Variants in IZUMO2 observed in about 807,000 individuals in gnomAD.
IZUMO2 encodes izumo sperm-egg fusion protein 2.
IZUMO2 carries 24 observed loss-of-function variants against 31.2 expected under a neutral mutation model. The observed-to-expected ratio is 0.77, with a 90% confidence interval of 0.56 to 1.08. The LOEUF (loss-of-function observed/expected upper bound fraction) is 1.08. IZUMO2 is among the 50% of genes least tolerant of loss of function. IZUMO2 has a pLI of 0.00. For missense variants in IZUMO2, 278 were observed against 274.0 expected (o/e 1.01, Z -0.10); for synonymous variants, 144 against 117.3 (o/e 1.23, Z -1.47).
rs557846231 is a variant in IZUMO2, at chr19:50,155,346, C to T, written c.497-620G>A. ...ACAGGAGGTTGAGGCTGCCGTGAGC[C>T]GTGACTGTGCCACTGCACCCCAGCC... On this transcript the variant is annotated intron_variant, in intron 5 of 6. Coordinates refer to ENST00000293405, the MANE Select transcript of IZUMO2 (RefSeq NM_152358.3). Among the ~76,000 whole-genome samples the T allele has an allele frequency of 6.6e-5, 10 of 152,222 alleles. No homozygotes were observed. The South Asian group carries it at 1.9e-3, about 28-fold the overall frequency.
intron 6 of IZUMO2, among the ~76,000 whole-genome samples, chr19:50,154,263 C>CATTTTTTT (rs1568436680): frequency 9.8e-5 from 4 of 40,628 alleles, no homozygotes; most frequent in Non-Finnish European, 1.2e-4. Context: ...TAACTTTTAG[C>CATTTTTTT]GTTTTTTTTT....
At chr19:50,156,608 A>T (rs949942678) in intron 5 of IZUMO2, among the ~76,000 whole-genome samples, 2 of 151,970 alleles carry the variant, frequency 1.3e-5, no homozygotes, top group Non-Finnish European at 2.9e-5. Flanking sequence ...GAGGGAAAAA[A>T]AAAAACCCAA....
rs1407927348 is a variant in IZUMO2 at position 50,154,679 on chromosome 19, A to G, written c.544T>C (p.Tyr182His). 1.2e-6 allele frequency: 2 copies of G among 1,613,746 alleles called. 1 individual carries two copies. Among genetic ancestry groups the G allele is most frequent in the Non-Finnish European group, 1.7e-6 (2 of 1,179,944 alleles). The change falls in exon 6 of 7, where the codon TAC (tyrosine) becomes CAC (histidine). Residue 182 changes from tyrosine to histidine, a missense_variant. By Grantham distance (83) the Tyr-to-His change is moderately conservative. Coordinates refer to ENST00000293405, the MANE Select transcript of IZUMO2 (RefSeq NM_152358.3). Reference protein sequence around the residue: ...VALQYQMDSKYPRNQALLGIL... With the variant: ...VALQYQMDSKHPRNQALLGIL... ...CCCAACAGCGCCTGGTTCCTCGGGT[A>G]TTTGCTGTCCATCTGGTACTGCAGG...
intron 5 of IZUMO2, among the ~76,000 whole-genome samples, chr19:50,157,493 G>A (rs1467865264): frequency 4.0e-5 from 6 of 150,964 alleles, no homozygotes; most frequent in South Asian, 4.2e-4. Flanking sequence ...TAGTAGAGAC[G>A]GGGTTTCACT....
intron 5 of IZUMO2, 117 bp downstream of exon 5, chr19:50,158,151 G>T: frequency 1.7e-6 from 1 of 578,488 alleles, no homozygotes; most frequent in African/African-American, 1.9e-5. Flanking sequence ...TAAGCAAATG[G>T]TTAGGGCAGG....
intron 6 of IZUMO2, 124 bp from the exon 7 acceptor site, chr19:50,152,775 G>A (rs1323973699): frequency 1.2e-6 from 1 of 810,204 alleles, no homozygotes; most frequent in African/African-American, 1.7e-5. Context: ...CTCATCCAGT[G>A]ACGTCATGGG....
intron 5 of IZUMO2, among the ~76,000 whole-genome samples, chr19:50,155,764 G>T (rs1170922214): frequency 6.6e-6 from 1 of 152,158 alleles, no homozygotes; most frequent in African/African-American, 2.4e-5. Context: ...CCTCTGCTCA[G>T]TGTCTTCCTG....
intron 4 of IZUMO2, 33 bp from the exon 5 acceptor site, chr19:50,158,381 G>T (rs1387331667): frequency 4.2e-6 from 6 of 1,440,450 alleles, no homozygotes; most frequent in Non-Finnish European, 5.8e-6. Flanking sequence ...GTAAGACAAG[G>T]GCAGATATCA....
chr19:50,154,960 A>T (rs1268271308), intron 5 of IZUMO2, among the ~76,000 whole-genome samples: 2 of 152,204 alleles, frequency 1.3e-5, no homozygotes, highest in African/African-American at 4.8e-5. Context: ...GCCGGGAACC[A>T]AACTGGCAAA....
At chr19:50,161,418 G>A (rs749064543) in intron 2 of IZUMO2, among the ~76,000 whole-genome samples, 3 of 152,074 alleles carry the variant, frequency 2.0e-5, no homozygotes, top group Non-Finnish European at 2.9e-5. Flanking sequence ...CACTGTGCCC[G>A]GCTGACGCCT....
At chr19:50,162,934 C>T (rs368500814) in intron 1 of IZUMO2, 29 bp downstream of exon 1, 261 of 1,612,386 alleles carry the variant, frequency 1.6e-4, no homozygotes, top group South Asian at 6.1e-4. Flanking sequence ...CTCGCCCAGC[C>T]CCGCTGCCCA....
At chr19:50,156,652 C>A (rs897699857) in intron 5 of IZUMO2, among the ~76,000 whole-genome samples, 3 of 150,278 alleles carry the variant, frequency 2.0e-5, no homozygotes, top group Non-Finnish European at 3.0e-5. Flanking sequence ...AGGCCGGGTG[C>A]AGTGACTCAT....
At chr19:50,158,210 G>A (rs878893375) in intron 5 of IZUMO2, 58 bp downstream of exon 5, 2 of 1,127,904 alleles carry the variant, frequency 1.8e-6, no homozygotes, top group Non-Finnish European at 1.3e-6. Flanking sequence ...AGTGGGTCAT[G>A]GCTGTCTTCA....
chr19:50,155,170 T>C lies in IZUMO2; in HGVS notation c.497-444A>G, dbSNP rs141862209. Reference sequence around the variant, plus strand: ...CTATAATCCCAGTACTTTGGGAAGCTGAGGCAGGGGGATCACTTCAGCCCA... The same window carrying C: ...CTATAATCCCAGTACTTTGGGAAGCCGAGGCAGGGGGATCACTTCAGCCCA... On this transcript the variant is annotated intron_variant, in intron 5 of 6. Transcript: ENST00000293405. Among the ~76,000 whole-genome samples, 775 of 152,268 alleles carry C rather than the reference T, an allele frequency of 5.1e-3. 6 individuals are homozygous for C. Among genetic ancestry groups the C allele is most frequent in the African/African-American group, 0.018 (734 of 41,560 alleles).
intron 1 of IZUMO2, 42 bp downstream of exon 1, chr19:50,162,920 AT>A (rs1250681243): frequency 6.2e-7 from 1 of 1,609,542 alleles, no homozygotes. Context: ...GGTCTCCGGC[AT>A]CCCTCGCCCA....
Position 50,154,600 on chromosome 19 carries a change from G to A in IZUMO2, c.623C>T (p.Ser208Leu), listed in dbSNP as rs1248110275. The A allele has an allele frequency of 3.7e-6, 6 of 1,613,766 alleles. No homozygotes were observed. In the East Asian group the frequency reaches 6.7e-5, roughly 18 times the overall value. ...AVFVFVVIVV[S>L]ACTYRQNRKL... ...TGAGGAGGGGGCAAGGATGACTCAC[G>A]AGACCACGATGACCACGAAGACAAA... The change falls in exon 6 of 7, where the codon TCG (serine) becomes TTG (leucine). Residue 208 changes from serine (S) to leucine (L), a missense_variant and splice_region_variant. Physicochemically the swap from Ser to Leu is moderately radical, Grantham distance 145 (BLOSUM62 -2). Transcript: ENST00000293405.
At chr19:50,154,360 C>G (rs1393337721) in intron 6 of IZUMO2, among the ~76,000 whole-genome samples, 1 of 127,172 alleles carries the variant, frequency 7.9e-6, no homozygotes, top group Non-Finnish European at 1.6e-5. Flanking sequence ...TAATGTGGCC[C>G]AGAGGTGGAG....
At position 50,162,977 on chromosome 19, in the gene IZUMO2, A is replaced by G. The variant is rs1366990710; in HGVS notation, c.218T>C (p.Phe73Ser). ...PFFRDYALNVFVGKVETNQLD... is the reference protein window; with the variant it reads ...PFFRDYALNVSVGKVETNQLD... ...CCAACACGCACCCACTTTCCCCACA[A>G]ACACGTTCAGCGCGTAGTCCCGGAA... Residue 73 changes from phenylalanine (F) to serine (S), a missense_variant, in exon 1 of 7, where the codon TTT becomes TCT. Phe to Ser is a radical substitution (Grantham distance 155). Transcript: ENST00000293405. 4 of 1,613,222 alleles carry G rather than the reference A, an allele frequency of 2.5e-6. No individual in the cohort carries two copies. The highest frequency in any genetic ancestry group is 3.4e-6 in the Non-Finnish European group (4 of 1,179,662).
chr19:50,161,730 T>A (rs1420007233), intron 2 of IZUMO2, among the ~76,000 whole-genome samples: 1 of 152,160 alleles, frequency 6.6e-6, no homozygotes, highest in Non-Finnish European at 1.5e-5. Flanking sequence ...TTAAGGGACA[T>A]CTTTTTTGGA....
Sources: gnomAD v4.1 joint callset for allele counts (sites outside exome capture counted in the v4.1 genomes callset) on GRCh38, gnomAD v4.1.1 for gene constraint, MANE v1.5 for transcripts, NCBI Gene and HGNC (gene_info 2026-07-23, HGNC 2026-07-21) for gene names.